The following MINK1 variants were observed in gnomAD, a reference collection of about 807,000 sequenced individuals.
MINK1 encodes misshapen-like kinase 1.
A neutral mutation model predicts 178.4 loss-of-function variants in MINK1; 46 were observed. That is an observed-to-expected ratio of 0.26 (90% CI 0.20 to 0.33). The LOEUF (loss-of-function observed/expected upper bound fraction) is 0.33. Among genes scored for constraint, MINK1 ranks in the 10% least tolerant of loss-of-function variants. MINK1 has a pLI of 1.00. For synonymous variants in MINK1, 797 were observed against 709.7 expected, an observed-to-expected ratio of 1.12 and a Z score of -1.96; for missense variants, 1,366 against 1,814.9, an observed-to-expected ratio of 0.75 and a Z score of 4.49.
chr17:4,842,504 A>T (rs1221506500), intron 1 of MINK1, among the ~76,000 whole-genome samples: 1 of 152,190 alleles, frequency 6.6e-6, no homozygotes, highest in East Asian at 1.9e-4. Flanking sequence ...TGTGCATGGC[A>T]CATATCTAGC....
chr17:4,896,565 G>C lies in MINK1; in HGVS notation c.3752G>C (p.Trp1251Ser). 6.2e-7 allele frequency: 1 copy of C among 1,613,894 alleles called. No individual in the cohort carries two copies. The highest frequency in any genetic ancestry group is 8.5e-7 in the Non-Finnish European group (1 of 1,179,844). Residue 1251 changes from tryptophan (W) to serine (S), a missense_variant, in exon 30 of 32, where the codon TGG (tryptophan) becomes TCG (serine). Physicochemically the swap from Trp to Ser is radical, Grantham distance 177 (BLOSUM62 -3). Coordinates refer to ENST00000355280, the MANE Select transcript of MINK1 (RefSeq NM_153827.5). This position sits in a 1 kb window ranked among gnomAD's most constrained non-coding sequence, Gnocchi z 4.6. The stretch of plus-strand genomic sequence containing the variant: ...ATCATTAAGGATGTGGTGCTGCAGT[G>C]GGGGGAGATGCCTACTTCTGTGGGT... ...GRIIKDVVLQ[W>S]GEMPTSVAYI...
At chr17:4,841,423 C>T (rs976509952) in intron 1 of MINK1, among the ~76,000 whole-genome samples, 1 of 151,988 alleles carries the variant, frequency 6.6e-6, no homozygotes, top group Admixed American at 6.6e-5. Context: ...CTATGAACAG[C>T]GGTCCTGGCA....
In MINK1 at chr17:4,886,644, A is replaced by AG. The variant is rs201593814; in HGVS notation, c.949+23dup. The AG allele has an allele frequency of 6.4e-7, 1 of 1,566,116 alleles. No homozygotes were observed. The highest frequency in any genetic ancestry group is 1.8e-5 in the Admixed American group (1 of 54,950). On this transcript the variant is annotated intron_variant, in intron 10 of 31. Coordinates refer to ENST00000355280, the MANE Select transcript of MINK1 (RefSeq NM_153827.5). This position sits in a 1 kb window ranked among gnomAD's most constrained non-coding sequence, Gnocchi z 6.1. ...TGAGAAAGGTCAGTGGGCAGGCTGG[A>AG]GGGGGCAGGTACTAGGGGACACTCC...
chr17:4,897,480 C>T lies in MINK1; in HGVS notation c.*193C>T. 1 of 572,342 alleles carries T rather than the reference C, an allele frequency of 1.7e-6. No homozygotes were observed. The highest frequency in any genetic ancestry group is 3.0e-5 in the East Asian group (1 of 33,242). 35.5% of individuals were successfully genotyped at this position (572,342 alleles called of 1,614,324 possible). ...GTGACCATCCTCTTCCCCAACATGT[C>T]CTCTTCCCAAAACTGTGCCTGTCCC... On this transcript the variant is annotated 3_prime_UTR_variant, in exon 32 of 32. Coordinates refer to ENST00000355280, the MANE Select transcript of MINK1 (RefSeq NM_153827.5).
intron 1 of MINK1, among the ~76,000 whole-genome samples, chr17:4,844,004 T>C (rs1910629405): frequency 6.6e-6 from 1 of 152,046 alleles, no homozygotes; most frequent in Non-Finnish European, 1.5e-5. Flanking sequence ...GTTTTTTGGT[T>C]TCTTTTTGCT....
chr17:4,883,680 C>G lies in MINK1; in HGVS notation c.307-683C>G, dbSNP rs1345899691. On this transcript the variant is annotated intron_variant, in intron 4 of 31. Transcript: ENST00000355280. Reference sequence around the variant, plus strand: ...CCAAGTAGCTGGGACTACAGGAGCCCGCCACCACGCCCGGCTACTTTTTTT... The same window carrying G: ...CCAAGTAGCTGGGACTACAGGAGCCGGCCACCACGCCCGGCTACTTTTTTT... 4.0e-5 allele frequency among the ~76,000 whole-genome samples: 6 copies of G among 150,830 alleles called. No homozygotes were observed. The South Asian group carries it at 1.3e-3, about 32-fold the overall frequency.
intron 31 of MINK1, 189 bp downstream of exon 31, chr17:4,897,002 C>G: frequency 2.1e-6 from 2 of 961,422 alleles, no homozygotes; most frequent in Non-Finnish European, 3.0e-6. Flanking sequence ...TCCCAGCTGG[C>G]CCCCAGGGGG....
At chr17:4,868,001 C>T in intron 1 of MINK1, among the ~76,000 whole-genome samples, 1 of 147,504 alleles carries the variant, frequency 6.8e-6, no homozygotes, top group Non-Finnish European at 1.5e-5. Context: ...TCTTTAGACA[C>T]AGTCTTGCTC....
chr17:4,893,245 A>T, intron 20 of MINK1, 178 bp downstream of exon 20: 1 of 1,603,414 alleles, frequency 6.2e-7, no homozygotes, highest in Non-Finnish European at 8.5e-7. Context: ...CTCTCTCCTA[A>T]CCTCTCTTCT....
At position 4,892,378 on chromosome 17, in the gene MINK1, G is replaced by A. The variant is rs753623515; in HGVS notation, c.2088-24G>A. 6.3e-5 allele frequency: 78 copies of A among 1,238,750 alleles called. 1 individual carries two copies. The highest frequency in any genetic ancestry group is 6.1e-4 in the South Asian group (43 of 70,010). 76.7% of individuals were successfully genotyped at this position (1,238,750 alleles called of 1,614,324 possible). On this transcript the variant is annotated intron_variant, in intron 17 of 31. Coordinates refer to ENST00000355280, the MANE Select transcript of MINK1 (RefSeq NM_153827.5). ...CTCAGCGCCCCCCCGCCGCCCCCTC[G>A]GCACCCCTGTGCTCCCTTCACAGAC...
chr17:4,833,786 C>T lies in MINK1; in HGVS notation c.57+146C>T. On this transcript the variant is annotated intron_variant, in intron 1 of 31. Coordinates refer to ENST00000355280, the MANE Select transcript of MINK1 (RefSeq NM_153827.5). This position sits in a 1 kb window ranked among gnomAD's most constrained non-coding sequence, Gnocchi z 4.8. The stretch of plus-strand genomic sequence containing the variant: ...CGACCCGTGCCCCTTTCCCGGACTC[C>T]CGCCGCGGCTGGGCCCCCGCCCTCT... The T allele has an allele frequency of 3.3e-6, 2 of 607,512 alleles. No homozygotes were observed. Among genetic ancestry groups the T allele is most frequent in the Non-Finnish European group, 5.3e-6 (2 of 376,384 alleles). The allele number at this position is 607,512 out of a possible 1,614,324, so 37.6% of individuals were successfully genotyped here.
At position 4,897,567 on chromosome 17, in the gene MINK1, C is replaced by G. The variant is rs542704210; in HGVS notation, c.*280C>G. On this transcript the variant is annotated 3_prime_UTR_variant, in exon 32 of 32. Coordinates refer to ENST00000355280, the MANE Select transcript of MINK1 (RefSeq NM_153827.5). ...GAATTGAGTGGGCCTAGCCCCTCCCCCCTTTTCTCCATTTGAGAGGAGAGT... is the reference window on the plus strand; with the variant it reads ...GAATTGAGTGGGCCTAGCCCCTCCCGCCTTTTCTCCATTTGAGAGGAGAGT... The G allele has an allele frequency of 1.0e-5, 4 of 401,922 alleles. No homozygotes were observed. Among genetic ancestry groups the G allele is most frequent in the African/African-American group, 6.2e-5 (3 of 48,646 alleles). 24.9% of individuals were successfully genotyped at this position (401,922 alleles called of 1,614,324 possible).
At chr17:4,889,536 C>T (rs113844800) in intron 12 of MINK1, 111 bp from the exon 13 acceptor site, 7 of 964,874 alleles carry the variant, frequency 7.3e-6, no homozygotes, top group African/African-American at 6.5e-5. Flanking sequence ...AAGCCGGTCT[C>T]TCTTACCACC....
At position 4,894,134 on chromosome 17, in the gene MINK1, CCT is replaced by C; in HGVS notation, c.2671-38_2671-37del. 6.2e-7 allele frequency: 1 copy of C among 1,610,474 alleles called. No homozygotes were observed. The highest frequency in any genetic ancestry group is 8.5e-7 in the Non-Finnish European group (1 of 1,177,888). On this transcript the variant is annotated intron_variant, in intron 22 of 31. Coordinates refer to ENST00000355280, the MANE Select transcript of MINK1 (RefSeq NM_153827.5). The surrounding 1 kb of genome is among the most constrained non-coding windows in gnomAD (Gnocchi z 4.1). ...CTCCCTCCCCTGTACCTGTGTGTGCCCTCCTCAGCCCCACGCCAACCCTGCCC... is the reference window on the plus strand; with the variant it reads ...CTCCCTCCCCTGTACCTGTGTGTGCCCCTCAGCCCCACGCCAACCCTGCCC...
At position 4,897,470 on chromosome 17, in the gene MINK1, CCCA is replaced by C; in HGVS notation, c.*184_*186del. 1.0e-5 allele frequency: 6 copies of C among 582,070 alleles called. No homozygotes were observed. In the South Asian group the frequency reaches 1.3e-4, roughly 12 times the overall value. 36.1% of individuals were successfully genotyped at this position (582,070 alleles called of 1,614,324 possible). On this transcript the variant is annotated 3_prime_UTR_variant, in exon 32 of 32. Coordinates refer to ENST00000355280, the MANE Select transcript of MINK1 (RefSeq NM_153827.5). ...TCGTGATCACGTGACCATCCTCTTC[CCCA>C]ACATGTCCTCTTCCCAAAACTGTGC...
chr17:4,893,662 G>T, intron 21 of MINK1, 65 bp downstream of exon 21: 1 of 1,479,760 alleles, frequency 6.8e-7, no homozygotes, highest in Non-Finnish European at 9.0e-7. Context: ...GTGGCAGTGG[G>T]GAAGAGGTGG....
Position 4,896,211 on chromosome 17 carries a change from C to T in MINK1, c.3484C>T (p.His1162Tyr), listed in dbSNP as rs749341476. 77 of 1,599,646 alleles carry T rather than the reference C, an allele frequency of 4.8e-5. No individual in the cohort carries two copies. In the Middle Eastern group the frequency reaches 5.0e-4, roughly 10 times the overall value. ...TCTGCAGTCCTTTGCCGACCTCCCC[C>T]ACCGCCCTCTGCTGGTCGACCTGAC... ...MAFKSFADLP[H>Y]RPLLVDLTVE... Residue 1162 changes from histidine to tyrosine, a missense_variant, in exon 29 of 32, where the codon CAC becomes TAC. Coordinates refer to ENST00000355280, the MANE Select transcript of MINK1 (RefSeq NM_153827.5). The surrounding 1 kb of genome is among the most constrained non-coding windows in gnomAD (Gnocchi z 4.6).
Position 4,897,394 on chromosome 17 carries a change from T to C in MINK1, c.*107T>C. On this transcript the variant is annotated 3_prime_UTR_variant, in exon 32 of 32. Transcript: ENST00000355280. ...CTCCCTGGGCTTTTGCTTTTACTGG[T>C]TTGATTTCACTGGAGCCTGCTGGGA... The C allele has an allele frequency of 9.6e-7, 1 of 1,036,566 alleles. No individual in the cohort carries two copies. Among genetic ancestry groups the C allele is most frequent in the Non-Finnish European group, 1.4e-6 (1 of 694,186 alleles). The allele number at this position is 1,036,566 out of a possible 1,614,324, so 64.2% of individuals were successfully genotyped here.
intron 1 of MINK1, chr17:4,859,453 C>G: frequency 2.4e-6 from 1 of 410,640 alleles, no homozygotes; most frequent in Non-Finnish European, 3.3e-6. Flanking sequence ...GGTGTCTGAG[C>G]ACCCAGAAGG....
Sources: allele counts gnomAD v4.1 joint callset (sites outside exome capture counted in the v4.1 genomes callset), GRCh38; gene constraint gnomAD v4.1.1; non-coding constraint Gnocchi (gnomAD v3.1); transcripts MANE v1.5; gene names NCBI Gene and HGNC (gene_info 2026-07-23, HGNC 2026-07-21).